Variants in KCNMA1 observed in about 807,000 individuals in gnomAD.
The protein encoded by KCNMA1 is potassium calcium-activated channel subfamily M alpha 1.
In KCNMA1, 29 loss-of-function variants were observed where a neutral mutation model predicts 140.0. That is an observed-to-expected ratio of 0.21 (90% CI 0.15 to 0.28). The LOEUF is 0.28. KCNMA1 is among the 10% of genes least tolerant of loss of function. KCNMA1 has a pLI of 1.00. For missense variants in KCNMA1, 880 were observed against 1,602.2 expected, an observed-to-expected ratio of 0.55 and a Z score of 7.70; for synonymous variants, 612 against 611.9, an observed-to-expected ratio of 1.00 and a Z score of 0.00.
At chr10:77,281,149 C>T (rs548949165) in intron 2 of KCNMA1, among the ~76,000 whole-genome samples, 93 of 152,094 alleles carry the variant, frequency 6.1e-4, no homozygotes, top group African/African-American at 2.2e-3. Context: ...CCTCTATCTT[C>T]CTACCACTTC....
chr10:77,544,158 G>C lies in KCNMA1; in HGVS notation c.378+93107C>G, dbSNP rs1321419196. ...TCTACATATCTTTCCAGCTGTGTGT[G>C]TGTGTGTGTGTGTGTGTGTGTGTGT... On this transcript the variant is annotated intron_variant, in intron 1 of 27. Coordinates refer to ENST00000286628, the MANE Select transcript of KCNMA1 (RefSeq NM_001161352.2). Among the ~76,000 whole-genome samples, 6 of 149,416 alleles carry C rather than the reference G, an allele frequency of 4.0e-5. No individual in the cohort carries two copies. In the South Asian group the frequency reaches 6.6e-4, roughly 16 times the overall value.
At chr10:77,105,274 G>C (rs1256805207) in intron 9 of KCNMA1, among the ~76,000 whole-genome samples, 1 of 152,202 alleles carries the variant, frequency 6.6e-6, no homozygotes, top group Non-Finnish European at 1.5e-5. Flanking sequence ...CTTTGAGAAT[G>C]CTACTTGAAA....
intron 16 of KCNMA1, among the ~76,000 whole-genome samples, chr10:77,021,835 T>C (rs1292961489): frequency 6.6e-6 from 1 of 152,180 alleles, no homozygotes; most frequent in African/African-American, 2.4e-5. Flanking sequence ...ATCTAAAGAA[T>C]GGATCCAGTC....
Position 77,542,962 on chromosome 10 carries a change from A to G in KCNMA1, c.378+94303T>C, listed in dbSNP as rs558750562. ...AGAGAGTTGGGGAAACAGATTGAGA[A>G]CTATTAGAAAAAGAGCTATAAAACA... On this transcript the variant is annotated intron_variant, in intron 1 of 27. Coordinates refer to ENST00000286628, the MANE Select transcript of KCNMA1 (RefSeq NM_001161352.2). 3.9e-5 allele frequency among the ~76,000 whole-genome samples: 6 copies of G among 152,294 alleles called. No individual in the cohort carries two copies. In the East Asian group the frequency reaches 1.2e-3, roughly 29 times the overall value.
chr10:76,979,589 A>T (rs528062177), intron 19 of KCNMA1: 4 of 152,156 alleles, frequency 2.6e-5, no homozygotes, highest in African/African-American at 7.2e-5. Context: ...GCTTGCCCCA[A>T]TGATTGTGAT....
intron 2 of KCNMA1, among the ~76,000 whole-genome samples, chr10:77,286,749 CG>C (rs1249689261): frequency 1.7e-5 from 1 of 57,968 alleles, no homozygotes; most frequent in Admixed American, 2.4e-4. Flanking sequence ...TGACTAGGGA[CG>C]GTGTGTGTGT....
At chr10:77,284,595 C>T (rs959047157) in intron 2 of KCNMA1, among the ~76,000 whole-genome samples, 2 of 151,992 alleles carry the variant, frequency 1.3e-5, no homozygotes, top group Admixed American at 1.3e-4. Context: ...CTCACTGCAA[C>T]CTCCACCTCC....
At chr10:77,306,534 G>C (rs542054013) in intron 2 of KCNMA1, among the ~76,000 whole-genome samples, 26 of 152,308 alleles carry the variant, frequency 1.7e-4, no homozygotes, top group African/African-American at 6.0e-4. Context: ...AAAATTCTGG[G>C]TCAGACAACA....
rs201553781 is a variant in KCNMA1 at position 77,108,607 on chromosome 10, G to T, written c.1132-35C>A. On this transcript the variant is annotated intron_variant, in intron 8 of 27. Transcript: ENST00000286628. The surrounding 1 kb of genome is among the most constrained non-coding windows in gnomAD (Gnocchi z 4.6). The stretch of plus-strand genomic sequence containing the variant: ...TAGGAGACAGAAGAGAGACTAAAAA[G>T]ACAGGCCAAAGAAAAGGGGGGACCT... The T allele has an allele frequency of 2.9e-5, 45 of 1,537,468 alleles. No homozygotes were observed. Among genetic ancestry groups the T allele is most frequent in the Non-Finnish European group, 4.0e-5 (44 of 1,112,914 alleles).
intron 23 of KCNMA1, among the ~76,000 whole-genome samples, chr10:76,942,401 AG>A (rs2062755404): frequency 6.6e-6 from 1 of 152,242 alleles, no homozygotes; most frequent in South Asian, 2.1e-4. Flanking sequence ...GAGTAGGTGG[AG>A]GGTACAAAAA....
chr10:76,922,394 G>A (rs926783467), intron 23 of KCNMA1, among the ~76,000 whole-genome samples: 5 of 152,044 alleles, frequency 3.3e-5, no homozygotes, highest in Non-Finnish European at 7.4e-5. Flanking sequence ...TGTTTGTTGG[G>A]GGTGCAGGGA....
At chr10:77,030,003 A>T (rs73290317) in intron 15 of KCNMA1, among the ~76,000 whole-genome samples, 3,084 of 152,282 alleles carry the variant, frequency 0.02, 103 homozygotes, top group African/African-American at 0.069. Flanking sequence ...GATGTGCTGG[A>T]TAGGGGGATG....
intron 1 of KCNMA1, among the ~76,000 whole-genome samples, chr10:77,532,458 G>C (rs1377102890): frequency 6.6e-6 from 1 of 152,186 alleles, no homozygotes; most frequent in Non-Finnish European, 1.5e-5. Flanking sequence ...CAGATGCAAA[G>C]GACACTCCTT....
intron 1 of KCNMA1, among the ~76,000 whole-genome samples, chr10:77,460,531 G>GCA (rs59284219): frequency 0.036 from 5,355 of 147,826 alleles, 172 homozygotes; most frequent in East Asian, 0.079. Flanking sequence ...GTACACACGT[G>GCA]CACACACACA....
At chr10:77,555,979 T>C (rs1353721808) in intron 1 of KCNMA1, among the ~76,000 whole-genome samples, 2 of 152,148 alleles carry the variant, frequency 1.3e-5, no homozygotes, top group Non-Finnish European at 2.9e-5. Flanking sequence ...AATTGCAAAA[T>C]GTGGGTTTTC....
chr10:77,297,448 C>A (rs1012804199), intron 2 of KCNMA1, among the ~76,000 whole-genome samples: 1 of 152,138 alleles, frequency 6.6e-6, no homozygotes, highest in African/African-American at 2.4e-5. Flanking sequence ...AAGCTTTTAT[C>A]ATTTTCCTTC....
intron 13 of KCNMA1, among the ~76,000 whole-genome samples, chr10:77,076,406 G>A (rs536512082): frequency 7.2e-4 from 110 of 152,314 alleles, no homozygotes; most frequent in African/African-American, 2.5e-3. Context: ...TTAAAAGATG[G>A]CCAGCATGAA....
chr10:77,436,839 T>C (rs1363230842), intron 1 of KCNMA1, among the ~76,000 whole-genome samples: 1 of 152,138 alleles, frequency 6.6e-6, no homozygotes, highest in Non-Finnish European at 1.5e-5. Flanking sequence ...GATGACCATA[T>C]GGAGCTTAAA....
intron 16 of KCNMA1, chr10:77,019,707 G>GT (rs934539934): frequency 5.4e-4 from 80 of 147,540 alleles, no homozygotes; most frequent in East Asian, 7.9e-4. Flanking sequence ...TACCCAAACA[G>GT]TTTTTTTTTT....
Sources: allele counts gnomAD v4.1 joint callset (sites outside exome capture counted in the v4.1 genomes callset), GRCh38; gene constraint gnomAD v4.1.1; non-coding constraint Gnocchi (gnomAD v3.1); transcripts MANE v1.5; gene names NCBI Gene and HGNC (gene_info 2026-07-23, HGNC 2026-07-21).